MYORG: variants seen among roughly 807,000 people sequenced by gnomAD.
MYORG encodes the protein alpha-galactosidase MYORG.
MYORG carries 45 observed loss-of-function variants against 49.8 expected under a neutral mutation model. The observed-to-expected ratio is 0.90, with a 90% CI of 0.71 to 1.16. The LOEUF (loss-of-function observed/expected upper bound fraction) is 1.16, where lower values mean the gene tolerates loss of function less well. Among genes scored for constraint, MYORG ranks in the 50% most tolerant of loss-of-function variants. The pLI is 0.00. For missense variants in MYORG, 1,110 were observed against 1,026.5 expected, an observed-to-expected ratio of 1.08 and a Z score of -1.11; for synonymous variants, 552 against 462.9, an observed-to-expected ratio of 1.19 and a Z score of -2.47.
At position 34,373,043 on chromosome 9, in the gene MYORG, C is replaced by T. The variant is rs10972084; in HGVS notation, c.-63-37G>A. 212,059 of 1,379,778 alleles carry T rather than the reference C, an allele frequency of 0.15. 18,508 individuals are homozygous for T. The highest frequency in any genetic ancestry group is 0.18 in the Non-Finnish European group (176,803 of 1,004,918). 85.5% of individuals were successfully genotyped at this position (1,379,778 alleles called of 1,614,324 possible). ...AGACAGAGATGGAACTGAGCTATCT[C>T]ATCCCATGATATTTCCATTTGCTGC... On this transcript the variant is annotated intron_variant, in intron 1 of 1. Coordinates refer to ENST00000297625, the MANE Select transcript of MYORG (RefSeq NM_020702.5).
rs766955661 is a variant in MYORG at position 34,371,198 on chromosome 9, G to A, written c.1746C>T (p.Ala582=). ...TAGAGAACTGCATGGCCGGCATAAA[G>A]GCGGCCACTTCCAGCCAGCGAATGT... ...ELYIRWLEVA[A]FMPAMQFSIP... The change falls in exon 2 of 2, where the codon GCC becomes GCT. Residue 582 remains alanine, a synonymous_variant. Transcript: ENST00000297625. 1.2e-6 allele frequency: 2 copies of A among 1,610,364 alleles called. No homozygotes were observed. The highest frequency in any genetic ancestry group is 1.7e-6 in the Non-Finnish European group (2 of 1,178,344).
chr9:34,366,743 TACA>T lies in MYORG; in HGVS notation c.*4053_*4055del, dbSNP rs1439204208. On this transcript the variant is annotated 3_prime_UTR_variant, in exon 2 of 2. Transcript: ENST00000297625. ...TACATACATTTGTGCTTATAATTCT[TACA>T]ACAACCTCGGGAGGTAGGCATTATT... 1 of 152,156 alleles carries T rather than the reference TACA, an allele frequency of 6.6e-6. No individual in the cohort carries two copies. Among genetic ancestry groups the T allele is most frequent in the Non-Finnish European group, 1.5e-5 (1 of 67,982 alleles). 9.4% of individuals were successfully genotyped at this position (152,156 alleles called of 1,614,324 possible).
In MYORG at chr9:34,371,180, C is replaced by T; in HGVS notation, c.1764G>A (p.Gln588=). 6.2e-7 allele frequency: 1 copy of T among 1,610,808 alleles called. No individual in the cohort carries two copies. The highest frequency in any genetic ancestry group is 8.5e-7 in the Non-Finnish European group (1 of 1,178,382). ...CGTAGCGCCAGGGCGGGATAGAGAA[C>T]TGCATGGCCGGCATAAAGGCGGCCA... is the stretch of plus-strand genomic sequence containing the variant. The part of the protein sequence containing the change: ...LEVAAFMPAM[Q]FSIPPWRYDA... Residue 588 remains glutamine (Q), a synonymous_variant, in exon 2 of 2, where the codon CAG becomes CAA. Coordinates refer to ENST00000297625, the MANE Select transcript of MYORG (RefSeq NM_020702.5).
rs1820574986 is a variant in MYORG, at chr9:34,370,725, G to A, written c.*74C>T. On this transcript the variant is annotated 3_prime_UTR_variant, in exon 2 of 2. Transcript: ENST00000297625. ...AGGTGGGAGGTTCCTGGGAGTACAT[G>A]GTGCGGGTGTGACGGAGGGTTCAAG... 1 of 1,460,872 alleles carries A rather than the reference G, an allele frequency of 6.8e-7. No homozygotes were observed. The highest frequency in any genetic ancestry group is 9.1e-7 in the Non-Finnish European group (1 of 1,101,800). The allele number at this position is 1,460,872 out of a possible 1,614,324, so 90.5% of individuals were successfully genotyped here.
rs1339664788 is a variant in MYORG, at chr9:34,370,874, G to A, written c.2070C>T (p.Phe690=). ...GKWRSYKGEL[F]DKTPVLLTDY... ...CGGTGAGCAGCACCGGCGTCTTGTC[G>A]AAAAGCTCACCCTTGTAGCTGCGCC... is the stretch of plus-strand genomic sequence containing the variant. The change falls in exon 2 of 2, where the codon TTC becomes TTT. Residue 690 remains phenylalanine (F), a synonymous_variant. Coordinates refer to ENST00000297625, the MANE Select transcript of MYORG (RefSeq NM_020702.5). The A allele has an allele frequency of 1.9e-6, 3 of 1,608,968 alleles. No individual in the cohort carries two copies. The highest frequency in any genetic ancestry group is 1.7e-5 in the Admixed American group (1 of 59,930).
At position 34,372,323 on chromosome 9, in the gene MYORG, C is replaced by T. The variant is rs1221577049; in HGVS notation, c.621G>A (p.Gln207=). The change falls in exon 2 of 2, where the codon CAG becomes CAA. Residue 207 remains glutamine (Q), a synonymous_variant. Transcript: ENST00000297625. ...AGTAGACATCGCTGGTGACGAACGG[C>T]TGGGGCTCCTGCTGGCCATCCAGGC... ...PIRLDGQQEP[Q]PFVTSDVYSS... is the part of the protein sequence containing the mutation. 1 of 1,605,908 alleles carries T rather than the reference C, an allele frequency of 6.2e-7. No homozygotes were observed. The highest frequency in any genetic ancestry group is 8.5e-7 in the Non-Finnish European group (1 of 1,177,018).
In MYORG at chr9:34,372,234, A is replaced by C. The variant is rs1294277319; in HGVS notation, c.710T>G (p.Ile237Ser). The change falls in exon 2 of 2, where the codon ATC becomes AGC. Residue 237 changes from isoleucine (I) to serine (S), a missense_variant. Ile to Ser is a moderately radical substitution (Grantham distance 142). Coordinates refer to ENST00000297625, the MANE Select transcript of MYORG (RefSeq NM_020702.5). ...GAAGGGCACTGAGTCATTGACTTTG[A>C]TGGCGGCCGCGCGCGAAGATAGCCA... ...RYWLSSRAAA[I>S]KVNDSVPFHL... The C allele has an allele frequency of 6.2e-7, 1 of 1,611,026 alleles. No individual in the cohort carries two copies. The highest frequency in any genetic ancestry group is 8.5e-7 in the Non-Finnish European group (1 of 1,179,178).
In MYORG at chr9:34,376,141, A is replaced by G. The variant is rs1255796729; in HGVS notation, c.-64+652T>C. Reference sequence around the variant, plus strand: ...TCCATCAGATGGACATGGCATGGTGAGGCCTGTCTTTCCAAGGGCTGGTGC... The same window carrying G: ...TCCATCAGATGGACATGGCATGGTGGGGCCTGTCTTTCCAAGGGCTGGTGC... On this transcript the variant is annotated intron_variant, in intron 1 of 1. Coordinates refer to ENST00000297625, the MANE Select transcript of MYORG (RefSeq NM_020702.5). The surrounding 1 kb of genome is among the most constrained non-coding windows in gnomAD (Gnocchi z 4.4). Among the ~76,000 whole-genome samples the G allele has an allele frequency of 6.6e-6, 1 of 152,220 alleles. No homozygotes were observed. Among genetic ancestry groups the G allele is most frequent in the Non-Finnish European group, 1.5e-5 (1 of 68,040 alleles).
chr9:34,373,602 A>AC (rs1820678407), intron 1 of MYORG, among the ~76,000 whole-genome samples: 1 of 152,100 alleles, frequency 6.6e-6, no homozygotes, highest in South Asian at 2.1e-4. Context: ...AAAGGCGCAC[A>AC]CCACCACACC....
In MYORG at chr9:34,372,059, G is replaced by A. The variant is rs753001768; in HGVS notation, c.885C>T (p.Tyr295=). The change falls in exon 2 of 2, where the codon TAC becomes TAT. Residue 295 remains tyrosine (Y), a synonymous_variant. Transcript: ENST00000297625. ...VGSDVTSIHK[Y]MVRRYFNKPS... ...GCTTGTTGAAGTAGCGACGCACCAT[G>A]TACTTGTGGATGGAGGTGACGTCTG... 5.0e-6 allele frequency: 8 copies of A among 1,613,868 alleles called. No individual in the cohort carries two copies. Among genetic ancestry groups the A allele is most frequent in the Non-Finnish European group, 5.1e-6 (6 of 1,179,870 alleles).
chr9:34,367,672 G>A lies in MYORG; in HGVS notation c.*3127C>T, dbSNP rs1272970437. ...CATCCAGGTCACACTGATGCAGGAG[G>A]TGGGTTCCCATGGTCTTGGGCAGCT... is the stretch of plus-strand genomic sequence containing the variant. On this transcript the variant is annotated 3_prime_UTR_variant, in exon 2 of 2. Coordinates refer to ENST00000297625, the MANE Select transcript of MYORG (RefSeq NM_020702.5). The A allele has an allele frequency of 6.6e-6, 1 of 152,192 alleles. No homozygotes were observed. Among genetic ancestry groups the A allele is most frequent in the African/African-American group, 2.4e-5 (1 of 41,452 alleles). The allele number at this position is 152,192 out of a possible 1,614,324, so 9.4% of individuals were successfully genotyped here.
Position 34,371,246 on chromosome 9 carries a change from GC to G in MYORG, c.1697del (p.Gly566AlafsTer188). The G allele has an allele frequency of 6.2e-7, 1 of 1,607,878 alleles. No homozygotes were observed. The highest frequency in any genetic ancestry group is 8.5e-7 in the Non-Finnish European group (1 of 1,177,500). On this transcript the variant is annotated frameshift_variant, in exon 2 of 2. Transcript: ENST00000297625. LOFTEE classifies it high-confidence loss of function. ...GNAVPQRTAGGDVPERELYIR... is the reference protein window; with the variant it reads ...GNAVPQRTAGXDVPERELYIR... ...TGTAGAGCTCGCGCTCGGGCACATC[GC>G]CGCCGGCTGTCCGCTGGGGCACGGC...
At chr9:34,375,193 A>G (rs1378954127) in intron 1 of MYORG, among the ~76,000 whole-genome samples, 1 of 152,108 alleles carries the variant, frequency 6.6e-6, no homozygotes, top group African/African-American at 2.4e-5. Flanking sequence ...TTCCAAGGAG[A>G]TGCCGGAAAT....
chr9:34,375,340 C>A (rs1432839266), intron 1 of MYORG, among the ~76,000 whole-genome samples: 2 of 152,242 alleles, frequency 1.3e-5, no homozygotes, highest in South Asian at 2.1e-4. Context: ...GTGCCCTCTG[C>A]CCCCAGCTGC....
chr9:34,373,067 G>T, intron 1 of MYORG, 61 bp from the exon 2 acceptor site: 2 of 1,230,768 alleles, frequency 1.6e-6, no homozygotes, highest in Non-Finnish European at 2.3e-6. Flanking sequence ...TCCATTTGCT[G>T]CCGCAAGCTA....
chr9:34,375,416 C>T (rs1274669201), intron 1 of MYORG, among the ~76,000 whole-genome samples: 1 of 152,224 alleles, frequency 6.6e-6, no homozygotes. Context: ...TCTACAATGA[C>T]TTAGCTTTCC....
In MYORG at chr9:34,371,385, T is replaced by G; in HGVS notation, c.1559A>C (p.Asp520Ala). The G allele has an allele frequency of 1.2e-6, 2 of 1,613,218 alleles. No individual in the cohort carries two copies. Among genetic ancestry groups the G allele is most frequent in the Non-Finnish European group, 1.7e-6 (2 of 1,179,766 alleles). Residue 520 changes from aspartate to alanine, a missense_variant, in exon 2 of 2, where the codon GAT (aspartate) becomes GCT (alanine). Asp to Ala is a moderately radical substitution (Grantham distance 126). Transcript: ENST00000297625. ...QNISCFFRLVDRDSVWGYDLG... is the reference protein window; with the variant it reads ...QNISCFFRLVARDSVWGYDLG... ...GTCGTAGCCCCACACAGAGTCGCGA[T>G]CCACCAGGCGGAAGAAGCAGGAGAT... is the stretch of plus-strand genomic sequence containing the variant.
chr9:34,373,578 G>A (rs530957337), intron 1 of MYORG, among the ~76,000 whole-genome samples: 2 of 152,062 alleles, frequency 1.3e-5, no homozygotes, highest in Non-Finnish European at 2.9e-5. Flanking sequence ...TCAACCTCCC[G>A]AGTAGCTGGG....
chr9:34,369,293 A>ACC lies in MYORG; in HGVS notation c.*1504_*1505dup, dbSNP rs1820547032. ...GAGCTGTTGATGGAAGCTAAAGTTC[A>ACC]CCCTGTTTCCCACCGACCCGCTCTG... On this transcript the variant is annotated 3_prime_UTR_variant, in exon 2 of 2. Coordinates refer to ENST00000297625, the MANE Select transcript of MYORG (RefSeq NM_020702.5). 6.6e-6 allele frequency: 1 copy of ACC among 152,086 alleles called. No individual in the cohort carries two copies. The highest frequency in any genetic ancestry group is 1.5e-5 in the Non-Finnish European group (1 of 68,012). 9.4% of individuals were successfully genotyped at this position (152,086 alleles called of 1,614,324 possible). A position where few individuals can be genotyped will look rare whatever the true frequency, so the allele number is the denominator to read the frequency against.
Sources: gnomAD v4.1 joint callset for allele counts (sites outside exome capture counted in the v4.1 genomes callset) on GRCh38, gnomAD v4.1.1 for gene constraint, Gnocchi (gnomAD v3.1) non-coding constraint, MANE v1.5 for transcripts, NCBI Gene and HGNC (gene_info 2026-07-23, HGNC 2026-07-21) for gene names.